Variants in LRRC37A2 observed in about 807,000 individuals in gnomAD.
LRRC37A2 encodes the protein leucine rich repeat containing 37 member A2.
A neutral mutation model predicts 68.8 loss-of-function variants in LRRC37A2; 9 were observed. The ratio of observed to expected loss-of-function variants is 0.13; its 90% confidence interval spans 0.08 to 0.23. The LOEUF is 0.23. Ranked by LOEUF, LRRC37A2 falls within the 10% of genes least tolerant of loss-of-function variation. LRRC37A2 has a pLI of 1.00. For missense variants in LRRC37A2, 168 were observed against 950.4 expected (o/e 0.18, Z 10.82); for synonymous variants, 63 against 367.6 (o/e 0.17, Z 9.48).
chr17:46,888,117 C>A, the LRRC37A2 span, among the ~76,000 whole-genome samples: 1 of 152,056 alleles, frequency 6.6e-6, no homozygotes, highest in South Asian at 2.1e-4. Flanking sequence ...TTTTCACAAG[C>A]GGGAGTGTGC....
At chr17:46,744,258 C>T in the LRRC37A2 span, among the ~76,000 whole-genome samples, 1 of 152,218 alleles carries the variant, frequency 6.6e-6, no homozygotes, top group Non-Finnish European at 1.5e-5. Context: ...ATTGTTAATG[C>T]TCCAATTGGC....
chr17:46,787,226 C>T, the LRRC37A2 span, among the ~76,000 whole-genome samples: 5 of 151,750 alleles, frequency 3.3e-5, no homozygotes, highest in African/African-American at 4.8e-5. Context: ...CAGGTGTGAG[C>T]CAGCGTGCCC....
chr17:46,501,238 C>A, the LRRC37A2 span, among the ~76,000 whole-genome samples: 1 of 151,020 alleles, frequency 6.6e-6, no homozygotes, highest in Non-Finnish European at 1.5e-5. Flanking sequence ...GGCAGTGGTG[C>A]GATCTTGGCT....
chr17:46,511,154 ACAGT>A (rs1194182080), upstream of LRRC37A2, among the ~76,000 whole-genome samples: 1 of 119,394 alleles, frequency 8.4e-6, no homozygotes, highest in East Asian at 2.6e-4. Context: ...TAATCTCAAA[ACAGT>A]CATTATTTAC....
At chr17:46,739,386 A>AT in the LRRC37A2 span, among the ~76,000 whole-genome samples, 14 of 149,558 alleles carry the variant, frequency 9.4e-5, no homozygotes, top group Non-Finnish European at 7.4e-5. Context: ...AAAAAAAAAA[A>AT]AAAAAAGCCA....
At chr17:46,971,579 A>C in the LRRC37A2 span, among the ~76,000 whole-genome samples, 1 of 152,266 alleles carries the variant, frequency 6.6e-6, no homozygotes, top group African/African-American at 2.4e-5. Flanking sequence ...ATGTATGTAC[A>C]TGTAGGAGCT....
the LRRC37A2 span, among the ~76,000 whole-genome samples, chr17:46,503,078 G>A: frequency 6.6e-6 from 1 of 150,630 alleles, no homozygotes; most frequent in South Asian, 2.1e-4. Flanking sequence ...CGGCAGTGGT[G>A]GGGGGCGCCT....
At chr17:47,000,074 TAAAAAA>T in the LRRC37A2 span, among the ~76,000 whole-genome samples, 118 of 64,460 alleles carry the variant, frequency 1.8e-3, 10 homozygotes, top group African/African-American at 6.7e-3. Context: ...TAAAATAAAA[TAAAAAA>T]TAAAATAAAA....
At chr17:46,792,260 G>A in the LRRC37A2 span, among the ~76,000 whole-genome samples, 49 of 152,268 alleles carry the variant, frequency 3.2e-4, no homozygotes, top group African/African-American at 9.1e-4. Flanking sequence ...CCAGAGGGGG[G>A]ATGACGTCAT....
chr17:46,929,368 G>C, the LRRC37A2 span: 1 of 683,938 alleles, frequency 1.5e-6, no homozygotes, highest in Non-Finnish European at 2.7e-6. Context: ...ATGCCAAAAC[G>C]TGGGACCTAA....
At chr17:46,956,274 G>C in the LRRC37A2 span, among the ~76,000 whole-genome samples, 2 of 126,092 alleles carry the variant, frequency 1.6e-5, no homozygotes, top group African/African-American at 5.8e-5. Context: ...TGCCTTGCCA[G>C]TCCTTTTTTT....
chr17:46,530,504 G>A (rs1287600737), intron 6 of LRRC37A2, among the ~76,000 whole-genome samples: 1 of 101,366 alleles, frequency 9.9e-6, no homozygotes, highest in African/African-American at 3.8e-5. Flanking sequence ...TCCCAGCCTC[G>A]CCACTGACTC....
chr17:46,759,946 C>T, the LRRC37A2 span, among the ~76,000 whole-genome samples: 4 of 152,286 alleles, frequency 2.6e-5, no homozygotes, highest in African/African-American at 9.6e-5. Flanking sequence ...TGTTCAAGCA[C>T]AGCTATCAAC....
At chr17:46,824,504 C>T in the LRRC37A2 span, among the ~76,000 whole-genome samples, 2 of 152,222 alleles carry the variant, frequency 1.3e-5, no homozygotes, top group African/African-American at 4.8e-5. Context: ...CCGCCTTGGC[C>T]TCCCAAAGTG....
the LRRC37A2 span, among the ~76,000 whole-genome samples, chr17:46,906,984 T>C: frequency 6.6e-6 from 1 of 152,146 alleles, no homozygotes; most frequent in Non-Finnish European, 1.5e-5. Flanking sequence ...ATAAGGAAAC[T>C]GAAGGTCAGA....
chr17:46,878,190 C>T, the LRRC37A2 span, among the ~76,000 whole-genome samples: 3 of 152,252 alleles, frequency 2.0e-5, no homozygotes, highest in Non-Finnish European at 2.9e-5. Context: ...TGACTTCTTT[C>T]GGGAAGCCCT....
the LRRC37A2 span, among the ~76,000 whole-genome samples, chr17:46,784,294 GC>G: frequency 2.0e-5 from 3 of 152,328 alleles, no homozygotes; most frequent in African/African-American, 7.2e-5. Flanking sequence ...AAGCAAAGCA[GC>G]TTTGGGAACA....
chr17:46,891,573 C>T, the LRRC37A2 span, among the ~76,000 whole-genome samples: 1 of 152,326 alleles, frequency 6.6e-6, no homozygotes, highest in East Asian at 1.9e-4. Context: ...CCCCTCAAAC[C>T]TTCTCCCTCC....
At chr17:46,721,660 C>T in the LRRC37A2 span, 7 of 1,602,680 alleles carry the variant, frequency 4.4e-6, no homozygotes, top group Non-Finnish European at 5.1e-6. Context: ...AAGTTTCAAC[C>T]TTGTGTTCCA....
Sources: allele counts gnomAD v4.1 joint callset (sites outside exome capture counted in the v4.1 genomes callset), GRCh38; gene constraint gnomAD v4.1.1; transcripts MANE v1.5; gene names NCBI Gene and HGNC (gene_info 2026-07-23, HGNC 2026-07-21).